Variants in C3 observed in about 807,000 individuals in gnomAD.
The protein encoded by C3 is C3 and PZP-like alpha-2-macroglobulin domain-containing protein 1.
C3 carries 97 observed loss-of-function variants against 207.9 expected under a neutral mutation model. The observed-to-expected ratio is 0.47, with a 90% CI of 0.40 to 0.55. The LOEUF (loss-of-function observed/expected upper bound fraction) is 0.55. Among genes scored for constraint, C3 ranks in the 20% least tolerant of loss-of-function variants. C3 has a pLI of 0.00. For synonymous variants in C3, 848 were observed against 857.6 expected, an observed-to-expected ratio of 0.99 and a Z score of 0.20; for missense variants, 1,684 against 2,171.7, an observed-to-expected ratio of 0.78 and a Z score of 4.46.
At chr19:6,702,101 G>A (rs763655857) in intron 19 of C3, 26 bp downstream of exon 19, 68 of 1,336,990 alleles carry the variant, frequency 5.1e-5, no homozygotes, top group African/African-American at 3.8e-4. Context: ...CCTGCCTCCC[G>A]GGGACCAGCC....
chr19:6,699,931 G>A (rs1242502448), intron 19 of C3, among the ~76,000 whole-genome samples: 2 of 149,332 alleles, frequency 1.3e-5, no homozygotes, highest in East Asian at 3.9e-4. Flanking sequence ...TTATAGATAT[G>A]TAATCAATAA....
Position 6,707,224 on chromosome 19 carries a change from CCGCATGCCGTCCT to C in C3, c.2084_2096del (p.Glu695GlyfsTer5). 1 of 1,613,448 alleles carries C rather than the reference CCGCATGCCGTCCT, an allele frequency of 6.2e-7. No homozygotes were observed. ...GGCACGAGAACCTCATGGGGTTCTCCCGCATGCCGTCCTCGCAGCACTTGCGCAGCTCCTTGGG... is the reference window on the plus strand; with the variant it reads ...GGCACGAGAACCTCATGGGGTTCTCCCGCAGCACTTGCGCAGCTCCTTGGG... On this transcript the variant is annotated frameshift_variant, in exon 17 of 41. Transcript: ENST00000245907. LOFTEE classifies it high-confidence loss of function.
intron 13 of C3, among the ~76,000 whole-genome samples, chr19:6,710,363 G>C (rs1967888071): frequency 6.7e-6 from 1 of 149,150 alleles, no homozygotes; most frequent in Non-Finnish European, 1.5e-5. Context: ...GAGAAAAGGA[G>C]AGAGATGGAG....
intron 1 of C3, 121 bp downstream of exon 1, chr19:6,720,395 G>T: frequency 1.4e-6 from 1 of 739,562 alleles, no homozygotes; most frequent in Non-Finnish European, 2.4e-6. Flanking sequence ...TTCCCAACCT[G>T]CTAACCCCTG....
chr19:6,696,641 T>C lies in C3; in HGVS notation c.2815A>G (p.Asn939Asp). The C allele has an allele frequency of 3.1e-6, 5 of 1,614,092 alleles. No individual in the cohort carries two copies. Among genetic ancestry groups the C allele is most frequent in the Non-Finnish European group, 3.4e-6 (4 of 1,180,020 alleles). Reference protein sequence around the residue: ...LKVVPEGIRMNKTVAVRTLDP... With the variant: ...LKVVPEGIRMDKTVAVRTLDP... The stretch of plus-strand genomic sequence containing the variant: ...AGGGTGCGAACAGCCACAGTTTTGT[T>C]CATTCTGATTCCTTCCGGCTACGCA... Residue 939 changes from asparagine to aspartate, a missense_variant, in exon 22 of 41, where the codon AAC (asparagine) becomes GAC (aspartate). Coordinates refer to ENST00000245907, the MANE Select transcript of C3 (RefSeq NM_000064.4).
rs767740345 is a variant in C3, at chr19:6,709,675, G to A, written c.1845+9C>T. The A allele has an allele frequency of 1.2e-6, 2 of 1,606,042 alleles. No homozygotes were observed. Among genetic ancestry groups the A allele is most frequent in the East Asian group, 4.5e-5 (2 of 44,504 alleles). On this transcript the variant is annotated intron_variant, in intron 14 of 40. Coordinates refer to ENST00000245907, the MANE Select transcript of C3 (RefSeq NM_000064.4). ...CTCTTCTCAGCAGCCTTGGGTCACT[G>A]GCCCTTACCTTACTCTGCGTCAGTT... is the stretch of plus-strand genomic sequence containing the variant.
At chr19:6,686,063 G>C in intron 29 of C3, 61 bp downstream of exon 29, 2 of 1,548,136 alleles carry the variant, frequency 1.3e-6, no homozygotes, top group Non-Finnish European at 1.8e-6. Context: ...TTCTCTAGGA[G>C]GCCAGTGGGA....
In C3 at chr19:6,714,199, C is replaced by A; in HGVS notation, c.649G>T (p.Val217Phe). The A allele has an allele frequency of 1.2e-6, 2 of 1,613,762 alleles. No individual in the cohort carries two copies. Residue 217 changes from valine (V) to phenylalanine (F), a missense_variant, in exon 6 of 41, where the codon GTC becomes TTC. Transcript: ENST00000245907. ...TTCACCTCAAACTCAGTGGAGAAGA[C>A]CTGCTGTGGTGAGTTTTCATAGTAG... Reference protein sequence around the residue: ...RAYYENSPQQVFSTEFEVKEY... With the variant: ...RAYYENSPQQFFSTEFEVKEY...
chr19:6,693,858 G>A lies in C3; in HGVS notation c.3155-371C>T, dbSNP rs138245287. On this transcript the variant is annotated intron_variant, in intron 24 of 40. Coordinates refer to ENST00000245907, the MANE Select transcript of C3 (RefSeq NM_000064.4). ...GCGCCTCACAGAAGGGTGTGGCCTT[G>A]AGAAGATGTGGGGACCCAGGGGATG... is the stretch of plus-strand genomic sequence containing the variant. Among the ~76,000 whole-genome samples the A allele has an allele frequency of 1.8e-3, 280 of 152,162 alleles. 3 individuals carry two copies. The highest frequency in any genetic ancestry group is 6.2e-3 in the African/African-American group (259 of 41,480).
chr19:6,697,106 T>C (rs1320837770), intron 21 of C3, among the ~76,000 whole-genome samples: 2 of 151,058 alleles, frequency 1.3e-5, no homozygotes, highest in African/African-American at 4.9e-5. Flanking sequence ...AAAAAATTAT[T>C]GATTGGTGAT....
intron 17 of C3, among the ~76,000 whole-genome samples, chr19:6,704,196 A>C (rs1373794748): frequency 6.6e-6 from 1 of 152,116 alleles, no homozygotes; most frequent in Admixed American, 6.6e-5. Flanking sequence ...ATGAGACAGA[A>C]GGACTCCTTG....
Position 6,719,385 on chromosome 19 carries a change from G to A in C3, c.93C>T (p.Pro31=), listed in dbSNP as rs1245106683. 6.2e-7 allele frequency: 1 copy of A among 1,613,962 alleles called. No homozygotes were observed. Among genetic ancestry groups the A allele is most frequent in the African/African-American group, 1.3e-5 (1 of 74,990 alleles). Residue 31 remains proline, a synonymous_variant, in exon 2 of 41, where the codon CCC becomes CCT. Coordinates refer to ENST00000245907, the MANE Select transcript of C3 (RefSeq NM_000064.4). This position sits in a 1 kb window ranked among gnomAD's most constrained non-coding sequence, Gnocchi z 5.4. The part of the protein sequence containing the change: ...LGSPMYSIIT[P]NILRLESEET... ...CCTCGCTCTCCAGCCGCAAGATGTT[G>A]GGGGTGATGATAGAGTACCTGTCGG...
chr19:6,708,739 T>G (rs1441411773), intron 14 of C3, among the ~76,000 whole-genome samples: 1 of 149,148 alleles, frequency 6.7e-6, no homozygotes, highest in Non-Finnish European at 1.5e-5. Flanking sequence ...CAGGCTGGAG[T>G]GCAGTGGTGC....
Position 6,713,181 on chromosome 19 carries a change from G to A in C3, c.1003+8C>T. The A allele has an allele frequency of 1.9e-6, 3 of 1,613,680 alleles. No homozygotes were observed. Among genetic ancestry groups the A allele is most frequent in the Non-Finnish European group, 1.7e-6 (2 of 1,180,002 alleles). ...GGTCCTGAGCCTGGCCTTCAGACTG[G>A]GCCTCACCTGAGTGCAAGATGACGG... On this transcript the variant is annotated splice_region_variant and intron_variant, in intron 9 of 40. Transcript: ENST00000245907.
chr19:6,679,537 T>C (rs1917806297), intron 36 of C3, 41 bp from the exon 37 acceptor site: 2 of 1,422,222 alleles, frequency 1.4e-6, no homozygotes, highest in Non-Finnish European at 2.0e-6. Context: ...GATAAGGGCC[T>C]CCCTCCAAAG....
At chr19:6,709,619 A>ACCAACCCCC in intron 14 of C3, 65 bp downstream of exon 14, 1 of 432,322 alleles carries the variant, frequency 2.3e-6, no homozygotes, top group Non-Finnish European at 4.0e-6. Flanking sequence ...AGTCCCACCC[A>ACCAACCCCC]CCTCCCCCAG....
intron 35 of C3, among the ~76,000 whole-genome samples, chr19:6,680,669 T>C (rs753134690): frequency 6.6e-6 from 1 of 152,176 alleles, no homozygotes; most frequent in Non-Finnish European, 1.5e-5. Context: ...AACTGGACTT[T>C]ACATGAGTGA....
chr19:6,696,728 G>T, intron 21 of C3, 69 bp from the exon 22 acceptor site: 2 of 1,423,040 alleles, frequency 1.4e-6, no homozygotes, highest in Non-Finnish European at 2.0e-6. Flanking sequence ...CAGATGGTCA[G>T]CAGGGCACTG....
At chr19:6,709,992 A>T in intron 13 of C3, 150 bp from the exon 14 acceptor site, 3 of 382,988 alleles carry the variant, frequency 7.8e-6, no homozygotes, top group East Asian at 6.6e-5. Flanking sequence ...AGAGAGAGAA[A>T]GGGAGAGAGG....
Sources: allele counts gnomAD v4.1 joint callset (sites outside exome capture counted in the v4.1 genomes callset), GRCh38; gene constraint gnomAD v4.1.1; non-coding constraint Gnocchi (gnomAD v3.1); transcripts MANE v1.5; gene names NCBI Gene and HGNC (gene_info 2026-07-23, HGNC 2026-07-21).